Variants in PPIL2 observed in about 807,000 individuals in gnomAD.
PPIL2 encodes RING-type E3 ubiquitin-protein ligase PPIL2.
In PPIL2, 50 loss-of-function variants were observed where a neutral mutation model predicts 75.2. That is an observed-to-expected ratio of 0.66 (90% CI 0.53 to 0.84). The LOEUF (loss-of-function observed/expected upper bound fraction) is 0.84, where lower values mean the gene tolerates loss of function less well. PPIL2 is among the 40% of genes least tolerant of loss of function. The probability of loss-of-function intolerance (pLI) is 0.00; values close to 1 mark genes in which losing one functional copy is unlikely to be tolerated. For missense variants in PPIL2, 590 were observed against 685.0 expected, an observed-to-expected ratio of 0.86 and a Z score of 1.55; for synonymous variants, 245 against 258.8, an observed-to-expected ratio of 0.95 and a Z score of 0.51.
chr22:21,694,200 G>A (rs1311489995), intron 16 of PPIL2, among the ~76,000 whole-genome samples: 1 of 152,166 alleles, frequency 6.6e-6, no homozygotes, highest in Non-Finnish European at 1.5e-5. Context: ...TCTTTCCAGC[G>A]TTGTGGGCCA....
chr22:21,668,511 A>C (rs408328), intron 1 of PPIL2, among the ~76,000 whole-genome samples: 147,871 of 150,440 alleles, frequency 0.98, 72,715 homozygotes, highest in African/African-American at 1. Flanking sequence ...CGCCTGTAGT[A>C]CCAGCTACTC....
At chr22:21,666,899 A>G (rs1291888003) in intron 1 of PPIL2, among the ~76,000 whole-genome samples, 2 of 152,144 alleles carry the variant, frequency 1.3e-5, no homozygotes, top group East Asian at 3.9e-4. Flanking sequence ...GTTTCTCTTA[A>G]GAACAAGTGA....
chr22:21,675,393 G>A (rs993397633), intron 6 of PPIL2, among the ~76,000 whole-genome samples: 2 of 152,018 alleles, frequency 1.3e-5, no homozygotes, highest in Admixed American at 6.6e-5. Flanking sequence ...AAAATTAGCC[G>A]GGCATGGTGG....
chr22:21,685,763 A>G (rs1232861841), intron 10 of PPIL2: 3 of 403,166 alleles, frequency 7.4e-6, no homozygotes, highest in Admixed American at 7.0e-5. Flanking sequence ...TTTTCTTCTG[A>G]TGGGAGAAAC....
At chr22:21,675,140 T>G in intron 6 of PPIL2, 25 bp downstream of exon 6, 1 of 1,604,930 alleles carries the variant, frequency 6.2e-7, no homozygotes, top group East Asian at 2.2e-5. Flanking sequence ...CACAGCCAAT[T>G]CTGGGCTTGA....
chr22:21,676,635 C>T (rs1392563013), intron 6 of PPIL2, among the ~76,000 whole-genome samples: 1 of 151,918 alleles, frequency 6.6e-6, no homozygotes, highest in Non-Finnish European at 1.5e-5. Context: ...TCCATTTAAC[C>T]CTGAGTGAAC....
At position 21,686,932 on chromosome 22, in the gene PPIL2, G is replaced by A; in HGVS notation, c.831G>A (p.Lys277=). The change falls in exon 12 of 20, where the codon AAG becomes AAA. Residue 277 remains lysine (K), a synonymous_variant. Coordinates refer to ENST00000398831, the MANE Select transcript of PPIL2 (RefSeq NM_014337.4). ...ATGTGCTGCGCTACCAGTTTGTGAAGAAGAAGGGCTACGTGCGGCTGCACA... is the reference window on the plus strand; with the variant it reads ...ATGTGCTGCGCTACCAGTTTGTGAAAAAGAAGGGCTACGTGCGGCTGCACA... ...DEDVLRYQFV[K]KKGYVRLHTN... The A allele has an allele frequency of 1.9e-6, 3 of 1,614,116 alleles. No homozygotes were observed. The highest frequency in any genetic ancestry group is 2.5e-6 in the Non-Finnish European group (3 of 1,180,012).
chr22:21,692,394 T>C (rs2067704034), intron 15 of PPIL2, among the ~76,000 whole-genome samples: 1 of 151,586 alleles, frequency 6.6e-6, no homozygotes, highest in South Asian at 2.1e-4. Context: ...GACCTTGTGA[T>C]CCGCCCACCT....
intron 5 of PPIL2, among the ~76,000 whole-genome samples, chr22:21,674,594 G>A (rs1416490050): frequency 6.6e-6 from 1 of 152,118 alleles, no homozygotes; most frequent in Non-Finnish European, 1.5e-5. Flanking sequence ...CTAGCTACTC[G>A]GGAGGCTGAG....
At chr22:21,698,035 C>T (rs564524121), downstream of PPIL2, 2 of 152,296 alleles carry the variant, frequency 1.3e-5, no homozygotes, top group South Asian at 2.1e-4. Flanking sequence ...CATTTATAAC[C>T]CTGACATCAC....
chr22:21,679,941 T>C (rs1454358083), intron 6 of PPIL2, among the ~76,000 whole-genome samples: 1 of 151,374 alleles, frequency 6.6e-6, no homozygotes, highest in Non-Finnish European at 1.5e-5. Context: ...TACAAAAAAT[T>C]AGCCGGGCAT....
At chr22:21,666,741 G>A (rs2066399335) in intron 1 of PPIL2, among the ~76,000 whole-genome samples, 2 of 152,110 alleles carry the variant, frequency 1.3e-5, no homozygotes, top group Admixed American at 1.3e-4. Context: ...CCCGGGAGGC[G>A]GAGGTTGCGG....
At chr22:21,692,440 C>T (rs558399121) in intron 15 of PPIL2, among the ~76,000 whole-genome samples, 1 of 151,852 alleles carries the variant, frequency 6.6e-6, no homozygotes, top group East Asian at 2.0e-4. Flanking sequence ...AGGCGTGAGC[C>T]ACTGTGCCTG....
At chr22:21,668,987 A>G (rs1029164739) in intron 1 of PPIL2, among the ~76,000 whole-genome samples, 2 of 149,428 alleles carry the variant, frequency 1.3e-5, no homozygotes, top group African/African-American at 2.5e-5. Flanking sequence ...CTGGGATTAC[A>G]GGTGTGAGCC....
At chr22:21,692,308 A>AC (rs745515578) in intron 15 of PPIL2, among the ~76,000 whole-genome samples, 74 of 151,790 alleles carry the variant, frequency 4.9e-4, no homozygotes, top group Admixed American at 8.5e-4. Context: ...GGCGCCCGCC[A>AC]CACGCCTGGC....
chr22:21,692,305 G>A (rs555216845), intron 15 of PPIL2, among the ~76,000 whole-genome samples: 40 of 151,980 alleles, frequency 2.6e-4, no homozygotes, highest in South Asian at 1.3e-3. Context: ...ACAGGCGCCC[G>A]CCACACGCCT....
intron 1 of PPIL2, among the ~76,000 whole-genome samples, chr22:21,669,063 A>G (rs1477284491): frequency 6.8e-6 from 1 of 147,786 alleles, no homozygotes; most frequent in Non-Finnish European, 1.5e-5. Context: ...GTTAGCCAGA[A>G]TGGTCTCCAT....
intron 11 of PPIL2, among the ~76,000 whole-genome samples, 164 bp from the exon 12 acceptor site, chr22:21,686,728 G>A (rs2067378814): frequency 6.6e-6 from 1 of 152,150 alleles, no homozygotes; most frequent in African/African-American, 2.4e-5. Context: ...ATGAGGCTGG[G>A]GTGAGCCTGT....
chr22:21,696,136 T>C lies in PPIL2; in HGVS notation c.*646T>C, dbSNP rs1345773002. On this transcript the variant is annotated 3_prime_UTR_variant, in exon 20 of 20. Coordinates refer to ENST00000398831, the MANE Select transcript of PPIL2 (RefSeq NM_014337.4). Reference sequence around the variant, plus strand: ...GAGCCTAAGCCTCTGCAGGGTGGGCTTCTCGGTCTGTTTTGACAAAACTTC... The same window carrying C: ...GAGCCTAAGCCTCTGCAGGGTGGGCCTCTCGGTCTGTTTTGACAAAACTTC... 5.0e-6 allele frequency: 5 copies of C among 996,616 alleles called. No individual in the cohort carries two copies. Among genetic ancestry groups the C allele is most frequent in the African/African-American group, 1.7e-5 (1 of 57,284 alleles). The allele number at this position is 996,616 out of a possible 1,614,324, so 61.7% of individuals were successfully genotyped here. A position where few individuals can be genotyped will look rare whatever the true frequency, so the allele number is the denominator to read the frequency against.
Sources: allele counts gnomAD v4.1 joint callset (sites outside exome capture counted in the v4.1 genomes callset), GRCh38; gene constraint gnomAD v4.1.1; transcripts MANE v1.5; gene names NCBI Gene and HGNC (gene_info 2026-07-23, HGNC 2026-07-21).